Variants in PDZRN3 observed in about 807,000 individuals in gnomAD.
The protein encoded by PDZRN3 is E3 ubiquitin-protein ligase PDZRN3.
A neutral mutation model predicts 85.7 loss-of-function variants in PDZRN3; 38 were observed. The observed-to-expected ratio is 0.44, with a 90% CI of 0.34 to 0.58. PDZRN3 has a LOEUF of 0.58. PDZRN3 is among the 20% of genes least tolerant of loss of function. The pLI is 0.01. For missense variants in PDZRN3, 1,629 were observed against 1,506.4 expected, an observed-to-expected ratio of 1.08 and a Z score of -1.35; for synonymous variants, 759 against 638.0, an observed-to-expected ratio of 1.19 and a Z score of -2.86.
At chr3:73,459,852 C>A in intron 3 of PDZRN3, among the ~76,000 whole-genome samples, 1 of 152,150 alleles carries the variant, frequency 6.6e-6, no homozygotes, top group Non-Finnish European at 1.5e-5. Context: ...AGACTCAGAA[C>A]AGTAAAGAAC....
At chr3:73,600,337 A>ACACACACACACT (rs34405662) in intron 3 of PDZRN3, among the ~76,000 whole-genome samples, 341 of 100,066 alleles carry the variant, frequency 3.4e-3, no homozygotes, top group Middle Eastern at 0.033. Flanking sequence ...ACACACACAC[A>ACACACACACACT]CTCTCTCTCT....
At chr3:73,615,343 C>G (rs1702745994) in intron 1 of PDZRN3, among the ~76,000 whole-genome samples, 1 of 152,140 alleles carries the variant, frequency 6.6e-6, no homozygotes, top group African/African-American at 2.4e-5. Flanking sequence ...GGTGAACAAC[C>G]ACAAGCAATG....
At position 73,384,633 on chromosome 3, in the gene PDZRN3, G is replaced by GCTCGCA. The variant is rs755254486; in HGVS notation, c.1927_1932dup (p.Cys643_Glu644dup). 6.2e-7 allele frequency: 1 copy of GCTCGCA among 1,613,826 alleles called. No individual in the cohort carries two copies. The highest frequency in any genetic ancestry group is 2.2e-5 in the East Asian group (1 of 44,840). ...TTGAGCTCCAGGAGCTCGCGGAAGCGCTCGCACTCGTCCACCGGGATCCCC... is the reference window on the plus strand; with the variant it reads ...TTGAGCTCCAGGAGCTCGCGGAAGCGCTCGCACTCGCACTCGTCCACCGGGATCCCC... On this transcript the variant is annotated inframe_insertion, in exon 10 of 10. Transcript: ENST00000263666.
intron 3 of PDZRN3, among the ~76,000 whole-genome samples, chr3:73,454,458 A>G (rs1702938399): frequency 1.3e-5 from 2 of 152,174 alleles, no homozygotes; most frequent in South Asian, 4.1e-4. Context: ...AGAGGTAATG[A>G]AAAAGGGGCT....
At chr3:73,602,322 C>T (rs1241003851) in intron 3 of PDZRN3, 32 bp downstream of exon 3, 4 of 1,152,094 alleles carry the variant, frequency 3.5e-6, no homozygotes, top group Non-Finnish European at 5.3e-6. Context: ...GGCATTCAGC[C>T]TATTCAAAGA....
At chr3:73,616,192 C>CA (rs1702759161) in intron 1 of PDZRN3, among the ~76,000 whole-genome samples, 1 of 152,244 alleles carries the variant, frequency 6.6e-6, no homozygotes, top group South Asian at 2.1e-4. Context: ...CTGAGGCCCT[C>CA]ATCAGAAACT....
intron 3 of PDZRN3, among the ~76,000 whole-genome samples, chr3:73,463,407 T>C (rs542260783): frequency 3.1e-4 from 47 of 152,236 alleles, no homozygotes; most frequent in Non-Finnish European, 5.0e-4. Context: ...TGCTACTACT[T>C]ATTACAGACA....
At chr3:73,619,948 A>G (rs1394912194) in intron 1 of PDZRN3, among the ~76,000 whole-genome samples, 1 of 152,248 alleles carries the variant, frequency 6.6e-6, no homozygotes, top group African/African-American at 2.4e-5. Flanking sequence ...TTGCCCCTCA[A>G]GGGACGTTTG....
chr3:73,563,179 C>T (rs574928396), intron 3 of PDZRN3, among the ~76,000 whole-genome samples: 15 of 149,808 alleles, frequency 1.0e-4, no homozygotes, highest in Non-Finnish European at 1.9e-4. Context: ...CCACCACGCC[C>T]GGCTATTTTT....
intron 1 of PDZRN3, among the ~76,000 whole-genome samples, chr3:73,622,674 A>C (rs898027745): frequency 2.2e-4 from 34 of 152,202 alleles, no homozygotes; most frequent in African/African-American, 8.2e-4. Context: ...TATGGGGCCC[A>C]AAATGCCAAT....
At chr3:73,399,414 C>G (rs1416915532) in intron 5 of PDZRN3, among the ~76,000 whole-genome samples, 1 of 152,140 alleles carries the variant, frequency 6.6e-6, no homozygotes, top group African/African-American at 2.4e-5. Flanking sequence ...TCTGCCCACT[C>G]CCCCAGGGGA....
At chr3:73,550,766 G>C (rs1041959865) in intron 3 of PDZRN3, among the ~76,000 whole-genome samples, 1 of 152,192 alleles carries the variant, frequency 6.6e-6, no homozygotes, top group Non-Finnish European at 1.5e-5. Context: ...CCAATGATCA[G>C]GGTAAGGAAA....
chr3:73,609,167 A>G (rs1702646378), intron 1 of PDZRN3, among the ~76,000 whole-genome samples: 1 of 152,076 alleles, frequency 6.6e-6, no homozygotes, highest in Non-Finnish European at 1.5e-5. Flanking sequence ...AGACTTGGGG[A>G]AAAATAGTGC....
chr3:73,401,357 T>A (rs914532457), intron 4 of PDZRN3, among the ~76,000 whole-genome samples: 20 of 152,188 alleles, frequency 1.3e-4, no homozygotes, highest in African/African-American at 4.8e-4. Context: ...TTACTGCTTA[T>A]TGCTTCATTG....
intron 3 of PDZRN3, among the ~76,000 whole-genome samples, chr3:73,426,657 C>T (rs1358545827): frequency 6.6e-6 from 1 of 152,178 alleles, no homozygotes; most frequent in African/African-American, 2.4e-5. Flanking sequence ...CCTAGCAGTC[C>T]TCCCTCTTCC....
At chr3:73,466,549 T>A (rs890358198) in intron 3 of PDZRN3, among the ~76,000 whole-genome samples, 1 of 152,008 alleles carries the variant, frequency 6.6e-6, no homozygotes, top group African/African-American at 2.4e-5. Context: ...CAGGAGAGAA[T>A]CCTTAGTGAG....
intron 3 of PDZRN3, among the ~76,000 whole-genome samples, chr3:73,522,200 T>C (rs1005659731): frequency 1.3e-5 from 2 of 152,190 alleles, no homozygotes; most frequent in African/African-American, 2.4e-5. Context: ...TCTAAAATAT[T>C]GACTCTCTGG....
At chr3:73,587,473 T>C (rs1702294616) in intron 3 of PDZRN3, among the ~76,000 whole-genome samples, 1 of 152,198 alleles carries the variant, frequency 6.6e-6, no homozygotes, top group South Asian at 2.1e-4. Context: ...CAAATGTACA[T>C]ACAGTAAATA....
chr3:73,563,355 TA>T (rs1292502020), intron 3 of PDZRN3, among the ~76,000 whole-genome samples: 1 of 151,380 alleles, frequency 6.6e-6, no homozygotes, highest in Non-Finnish European at 1.5e-5. Flanking sequence ...ATTTTCTATT[TA>T]AAAAAAAGAT....
Sources: allele counts gnomAD v4.1 joint callset (sites outside exome capture counted in the v4.1 genomes callset), GRCh38; gene constraint gnomAD v4.1.1; transcripts MANE v1.5; gene names NCBI Gene and HGNC (gene_info 2026-07-23, HGNC 2026-07-21).